The following GABBR2 variants were observed in gnomAD, a reference collection of about 807,000 sequenced individuals.
GABBR2 encodes the protein G-protein coupled receptor 51.
A neutral mutation model predicts 105.6 loss-of-function variants in GABBR2; 23 were observed. That is an observed-to-expected ratio of 0.22 (90% CI 0.16 to 0.31). The LOEUF (loss-of-function observed/expected upper bound fraction) is 0.31, where lower values mean the gene tolerates loss of function less well. Ranked by LOEUF, GABBR2 falls within the 10% of genes least tolerant of loss-of-function variation. The probability of loss-of-function intolerance (pLI) is 1.00; values close to 1 mark genes in which losing one functional copy is unlikely to be tolerated. For missense variants in GABBR2, 734 were observed against 1,245.5 expected, an observed-to-expected ratio of 0.59 and a Z score of 6.18; for synonymous variants, 478 against 499.7, an observed-to-expected ratio of 0.96 and a Z score of 0.58.
At chr9:98,613,104 C>A (rs949715460) in intron 1 of GABBR2, among the ~76,000 whole-genome samples, 1 of 152,122 alleles carries the variant, frequency 6.6e-6, no homozygotes, top group Non-Finnish European at 1.5e-5. Flanking sequence ...CCTTCCTATA[C>A]CCATAGCCTT....
chr9:98,694,379 G>C (rs1830723057), intron 1 of GABBR2, among the ~76,000 whole-genome samples: 1 of 152,242 alleles, frequency 6.6e-6, no homozygotes, highest in Non-Finnish European at 1.5e-5. Flanking sequence ...CCTGACACCT[G>C]CCAAAGACAG....
At chr9:98,382,562 G>A (rs533298334) in intron 11 of GABBR2, among the ~76,000 whole-genome samples, 30 of 152,236 alleles carry the variant, frequency 2.0e-4, no homozygotes, top group African/African-American at 4.8e-4. Flanking sequence ...TGATCTACCC[G>A]CCTCGGCCTC....
intron 11 of GABBR2, among the ~76,000 whole-genome samples, chr9:98,380,930 G>A (rs1273373896): frequency 1.3e-5 from 2 of 152,204 alleles, no homozygotes; most frequent in South Asian, 2.1e-4. Flanking sequence ...AACTAAAAGG[G>A]AGAAAAAAGC....
chr9:98,544,382 C>T (rs1161410729), intron 2 of GABBR2, among the ~76,000 whole-genome samples: 1 of 152,106 alleles, frequency 6.6e-6, no homozygotes, highest in Non-Finnish European at 1.5e-5. Context: ...TGGAGCTGAC[C>T]ACACAACAGT....
intron 17 of GABBR2, among the ~76,000 whole-genome samples, chr9:98,298,445 G>C (rs1211371473): frequency 2.0e-5 from 3 of 152,138 alleles, no homozygotes; most frequent in Non-Finnish European, 4.4e-5. Flanking sequence ...ATTTGCAAGG[G>C]GCAGGTTCCT....
intron 8 of GABBR2, among the ~76,000 whole-genome samples, chr9:98,394,855 C>A (rs546696845): frequency 1.3e-5 from 2 of 152,152 alleles, no homozygotes; most frequent in African/African-American, 4.8e-5. Context: ...CAAGTAGAGG[C>A]CACCATCCCT....
intron 5 of GABBR2, among the ~76,000 whole-genome samples, 156 bp from the exon 6 acceptor site, chr9:98,473,502 A>T (rs1588180514): frequency 1.3e-5 from 2 of 152,186 alleles, no homozygotes; most frequent in Admixed American, 6.5e-5. Context: ...TTATCAAAGG[A>T]TCCAAGGTAG....
chr9:98,510,763 T>G (rs1330915640), intron 3 of GABBR2, among the ~76,000 whole-genome samples: 4 of 151,958 alleles, frequency 2.6e-5, no homozygotes, highest in Non-Finnish European at 5.9e-5. Context: ...GCACCCAGAT[T>G]CATAAAGCAA....
intron 1 of GABBR2, among the ~76,000 whole-genome samples, chr9:98,625,344 C>T (rs1829722139): frequency 6.6e-6 from 1 of 152,226 alleles, no homozygotes; most frequent in Non-Finnish European, 1.5e-5. Context: ...ACACCACCAT[C>T]CACACCATTG....
chr9:98,357,860 C>CT (rs913943361), intron 13 of GABBR2, among the ~76,000 whole-genome samples: 3 of 152,046 alleles, frequency 2.0e-5, no homozygotes, highest in Admixed American at 6.5e-5. Context: ...TTGCCTTCTT[C>CT]TTTTTTTAAA....
intron 1 of GABBR2, among the ~76,000 whole-genome samples, chr9:98,672,666 G>A (rs966261859): frequency 1.3e-5 from 2 of 152,352 alleles, no homozygotes; most frequent in East Asian, 1.9e-4. Context: ...AAGGATAAAG[G>A]AGATAAGGGC....
chr9:98,312,129 A>G (rs1442398117), intron 13 of GABBR2, among the ~76,000 whole-genome samples: 2 of 152,252 alleles, frequency 1.3e-5, no homozygotes, highest in Non-Finnish European at 2.9e-5. Context: ...CAGAAAATTT[A>G]ACACTGATAC....
chr9:98,663,040 A>G (rs894181050), intron 1 of GABBR2, among the ~76,000 whole-genome samples: 2 of 151,992 alleles, frequency 1.3e-5, no homozygotes, highest in East Asian at 1.9e-4. Flanking sequence ...TGATGAGAGG[A>G]CCCTCCCATG....
intron 2 of GABBR2, among the ~76,000 whole-genome samples, chr9:98,560,296 G>A (rs1436139417): frequency 2.0e-5 from 3 of 152,140 alleles, no homozygotes; most frequent in African/African-American, 7.2e-5. Flanking sequence ...GGAGAAAAAT[G>A]TGTAAAGAGA....
intron 7 of GABBR2, among the ~76,000 whole-genome samples, chr9:98,422,880 C>A (rs373240657): frequency 6.6e-6 from 1 of 150,952 alleles, no homozygotes; most frequent in African/African-American, 2.4e-5. Flanking sequence ...TTTGTCCTTG[C>A]GATAGTTTAC....
chr9:98,667,643 G>A (rs1280463483), intron 1 of GABBR2, among the ~76,000 whole-genome samples: 1 of 152,180 alleles, frequency 6.6e-6, no homozygotes, highest in Non-Finnish European at 1.5e-5. Context: ...ACTGTGTGCT[G>A]TGTGGCAGTT....
chr9:98,466,033 T>C (rs1267242737), intron 6 of GABBR2, among the ~76,000 whole-genome samples: 1 of 152,196 alleles, frequency 6.6e-6, no homozygotes, highest in Non-Finnish European at 1.5e-5. Context: ...CACCTCCCCC[T>C]TTGCTCTCTT....
chr9:98,437,790 A>G (rs1487368686), intron 7 of GABBR2, among the ~76,000 whole-genome samples: 1 of 150,574 alleles, frequency 6.6e-6, no homozygotes, highest in Non-Finnish European at 1.5e-5. Context: ...ATGCACCTAT[A>G]GCTATTGACC....
intron 1 of GABBR2, among the ~76,000 whole-genome samples, chr9:98,623,771 C>T (rs564955009): frequency 3.9e-5 from 6 of 152,352 alleles, no homozygotes; most frequent in African/African-American, 7.2e-5. Flanking sequence ...TTCAGACCCA[C>T]CTGGATAATC....
Sources: allele counts gnomAD v4.1 joint callset (sites outside exome capture counted in the v4.1 genomes callset), GRCh38; gene constraint gnomAD v4.1.1; transcripts MANE v1.5; gene names NCBI Gene and HGNC (gene_info 2026-07-23, HGNC 2026-07-21).